The following MACROD2 variants were observed in gnomAD, a reference collection of about 807,000 sequenced individuals.
MACROD2 encodes ADP-ribose glycohydrolase MACROD2.
A neutral mutation model predicts 70.4 loss-of-function variants in MACROD2; 36 were observed. The ratio of observed to expected loss-of-function variants is 0.51; its 90% CI spans 0.39 to 0.68. The LOEUF (loss-of-function observed/expected upper bound fraction) is 0.68. Among genes scored for constraint, MACROD2 ranks in the 30% least tolerant of loss-of-function variants. The probability of loss-of-function intolerance (pLI) is 0.00; values close to 1 mark genes in which losing one functional copy is unlikely to be tolerated. For missense variants in MACROD2, 496 were observed against 538.4 expected, an observed-to-expected ratio of 0.92 and a Z score of 0.78; for synonymous variants, 172 against 178.8, an observed-to-expected ratio of 0.96 and a Z score of 0.30.
intron 5 of MACROD2, among the ~76,000 whole-genome samples, chr20:15,217,530 A>G (rs1400864631): frequency 1.3e-5 from 2 of 151,908 alleles, no homozygotes; most frequent in South Asian, 2.1e-4. Flanking sequence ...TACACATTCT[A>G]TTGATCTTTT....
At chr20:14,083,950 A>T (rs966841115) in intron 2 of MACROD2, among the ~76,000 whole-genome samples, 1 of 151,594 alleles carries the variant, frequency 6.6e-6, no homozygotes, top group South Asian at 2.1e-4. Context: ...AGTCTCAGCT[A>T]TTCGGAGAGG....
chr20:15,022,014 T>C (rs1361328757), intron 5 of MACROD2, among the ~76,000 whole-genome samples: 1 of 152,048 alleles, frequency 6.6e-6, no homozygotes, highest in East Asian at 1.9e-4. Context: ...ATCTATCAAT[T>C]AAAAAAATAC....
intron 5 of MACROD2, among the ~76,000 whole-genome samples, chr20:15,048,780 C>G (rs2123046326): frequency 6.6e-6 from 1 of 152,190 alleles, no homozygotes. Context: ...TAAGAAAAAT[C>G]TTTCACCTCA....
chr20:14,194,013 G>A (rs971458573), intron 3 of MACROD2, among the ~76,000 whole-genome samples: 3 of 152,284 alleles, frequency 2.0e-5, no homozygotes, highest in South Asian at 2.1e-4. Flanking sequence ...TTCACACAGC[G>A]CAGATTAAGA....
intron 3 of MACROD2, among the ~76,000 whole-genome samples, chr20:14,394,464 C>A (rs2083560874): frequency 6.6e-6 from 1 of 152,146 alleles, no homozygotes; most frequent in African/African-American, 2.4e-5. Context: ...TAAATTGCAA[C>A]CCTGCTAAGC....
At chr20:14,413,492 G>A (rs1322677690) in intron 3 of MACROD2, among the ~76,000 whole-genome samples, 1 of 151,742 alleles carries the variant, frequency 6.6e-6, no homozygotes, top group African/African-American at 2.4e-5. Flanking sequence ...ACATTCTCTG[G>A]GACCCTTAGT....
At chr20:14,506,910 C>T (rs1020179944) in intron 4 of MACROD2, among the ~76,000 whole-genome samples, 6 of 152,084 alleles carry the variant, frequency 3.9e-5, no homozygotes, top group Non-Finnish European at 8.8e-5. Context: ...GAGATCACGC[C>T]ACGGCACTCC....
chr20:15,202,770 ATGGCTGC>A (rs965400637), intron 5 of MACROD2, among the ~76,000 whole-genome samples: 1 of 152,150 alleles, frequency 6.6e-6, no homozygotes, highest in African/African-American at 2.4e-5. Flanking sequence ...ATGACCCAAG[ATGGCTGC>A]TGGAGTTCCA....
chr20:14,618,377 A>G (rs906083625), intron 4 of MACROD2, among the ~76,000 whole-genome samples: 15 of 152,168 alleles, frequency 9.9e-5, no homozygotes, highest in Non-Finnish European at 1.3e-4. Context: ...AAATTTCTGC[A>G]GTGTAATCTT....
chr20:15,416,864 C>T (rs1449857036), intron 6 of MACROD2, among the ~76,000 whole-genome samples: 4 of 151,916 alleles, frequency 2.6e-5, no homozygotes, highest in Non-Finnish European at 1.5e-5. Context: ...GATCGCGCCA[C>T]TGCACTCCAG....
chr20:14,915,207 A>G (rs2122612337), intron 5 of MACROD2, among the ~76,000 whole-genome samples: 1 of 152,332 alleles, frequency 6.6e-6, no homozygotes, highest in East Asian at 1.9e-4. Flanking sequence ...ATAAAATGGA[A>G]TTGAATTTAG....
In MACROD2 at chr20:15,781,277, T is replaced by C. The variant is rs577984139; in HGVS notation, c.646-81468T>C. The stretch of plus-strand genomic sequence containing the variant: ...TTACAGAGTTACAGTCAAATGCAGG[T>C]GGCAGACTTACAAACAGACTGATGC... On this transcript the variant is annotated intron_variant, in intron 8 of 17. Transcript: ENST00000684519. Among the ~76,000 whole-genome samples the C allele has an allele frequency of 2.0e-5, 3 of 152,264 alleles. No homozygotes were observed. The South Asian group carries it at 6.2e-4, about 32-fold the overall frequency.
intron 10 of MACROD2, among the ~76,000 whole-genome samples, chr20:15,899,159 G>A (rs1158410508): frequency 6.6e-6 from 1 of 151,660 alleles, no homozygotes; most frequent in Non-Finnish European, 1.5e-5. Flanking sequence ...ATATATATCT[G>A]TAGGTATGTG....
At chr20:14,875,311 G>A (rs2073538033) in intron 5 of MACROD2, among the ~76,000 whole-genome samples, 1 of 151,898 alleles carries the variant, frequency 6.6e-6, no homozygotes, top group African/African-American at 2.4e-5. Context: ...AACCCAGGAG[G>A]TAGAAGATGC....
At chr20:15,749,805 C>T (rs1399413622) in intron 8 of MACROD2, among the ~76,000 whole-genome samples, 1 of 151,912 alleles carries the variant, frequency 6.6e-6, no homozygotes, top group Non-Finnish European at 1.5e-5. Flanking sequence ...TATCGAAAGG[C>T]AGAAGAAGGA....
At chr20:15,570,617 C>A (rs2048365076) in intron 8 of MACROD2, among the ~76,000 whole-genome samples, 1 of 152,210 alleles carries the variant, frequency 6.6e-6, no homozygotes, top group Admixed American at 6.5e-5. Flanking sequence ...CACACTTTTT[C>A]TTTCACTATT....
intron 5 of MACROD2, among the ~76,000 whole-genome samples, chr20:14,804,208 T>A (rs1232331370): frequency 6.6e-6 from 1 of 152,128 alleles, no homozygotes; most frequent in Non-Finnish European, 1.5e-5. Context: ...ATTTTTAATT[T>A]TTTTTTCTAG....
chr20:15,511,844 G>A (rs1233766), intron 8 of MACROD2, among the ~76,000 whole-genome samples: 128,707 of 152,172 alleles, frequency 0.85, 54,816 homozygotes, highest in East Asian at 0.99. Flanking sequence ...TAAGGTGAAA[G>A]TCATCTAGGA....
intron 8 of MACROD2, among the ~76,000 whole-genome samples, chr20:15,738,623 T>C (rs2051060215): frequency 1.3e-5 from 2 of 152,180 alleles, no homozygotes; most frequent in Admixed American, 1.3e-4. Flanking sequence ...TCAAAGTCTT[T>C]ATTGGCTTAT....
Sources: allele counts gnomAD v4.1 joint callset (sites outside exome capture counted in the v4.1 genomes callset), GRCh38; gene constraint gnomAD v4.1.1; transcripts MANE v1.5; gene names NCBI Gene and HGNC (gene_info 2026-07-23, HGNC 2026-07-21).